DENND1B: variants seen among roughly 807,000 people sequenced by gnomAD.
DENND1B encodes DENN domain-containing protein 1B.
Under a neutral mutation model 90.1 loss-of-function variants are expected in DENND1B, and 59 were observed. The ratio of observed to expected loss-of-function variants is 0.65; its 90% CI spans 0.53 to 0.81. DENND1B has a LOEUF of 0.81. Ranked by LOEUF, DENND1B falls within the 40% of genes least tolerant of loss-of-function variation. The probability of loss-of-function intolerance (pLI) is 0.00; values close to 1 mark genes in which losing one functional copy is unlikely to be tolerated. For missense variants in DENND1B, 862 were observed against 912.6 expected, an observed-to-expected ratio of 0.94 and a Z score of 0.71; for synonymous variants, 337 against 324.6, an observed-to-expected ratio of 1.04 and a Z score of -0.41.
rs1053542630 is a variant in DENND1B, at chr1:197,565,913, A to G, written c.1150-12801T>C. 2.4e-4 allele frequency among the ~76,000 whole-genome samples: 36 copies of G among 149,530 alleles called. No individual in the cohort carries two copies. The Middle Eastern group carries it at 0.01, about 42-fold the overall frequency. ...ATTGTTGGACATTTGGGTTGGTTCCAAGTCTTTGCTATTGTGAATAGTGCC... is the reference window on the plus strand; with the variant it reads ...ATTGTTGGACATTTGGGTTGGTTCCGAGTCTTTGCTATTGTGAATAGTGCC... On this transcript the variant is annotated intron_variant, in intron 15 of 22. Transcript: ENST00000620048.
At chr1:197,554,538 G>T (rs184449735) in intron 15 of DENND1B, among the ~76,000 whole-genome samples, 3 of 152,026 alleles carry the variant, frequency 2.0e-5, no homozygotes, top group Non-Finnish European at 4.4e-5. Context: ...TTCCTCAGCA[G>T]CAATTTAAGA....
intron 2 of DENND1B, among the ~76,000 whole-genome samples, chr1:197,732,552 A>G (rs1662244350): frequency 6.6e-6 from 1 of 152,216 alleles, no homozygotes; most frequent in Non-Finnish European, 1.5e-5. Flanking sequence ...AAAAGACACC[A>G]TGGCAGACTG....
chr1:197,714,816 A>G (rs1350992686), intron 3 of DENND1B, among the ~76,000 whole-genome samples: 1 of 152,134 alleles, frequency 6.6e-6, no homozygotes, highest in Non-Finnish European at 1.5e-5. Flanking sequence ...ATGAGTTTCA[A>G]TATAAGGACT....
intron 2 of DENND1B, among the ~76,000 whole-genome samples, chr1:197,768,423 T>C (rs564101750): frequency 6.6e-6 from 1 of 152,210 alleles, no homozygotes; most frequent in Non-Finnish European, 1.5e-5. Flanking sequence ...TTCATTTCCC[T>C]GAAGTCTTAA....
At position 197,709,860 on chromosome 1, in the gene DENND1B, C is replaced by G. The variant is rs1052955885; in HGVS notation, c.126+5171G>C. ...TCTCACGTGCAGAGACACACATAGGCTCAAAATAAAAGGATGGCGGAAGAT... is the reference window on the plus strand; with the variant it reads ...TCTCACGTGCAGAGACACACATAGGGTCAAAATAAAAGGATGGCGGAAGAT... On this transcript the variant is annotated intron_variant, in intron 3 of 22. Transcript: ENST00000620048. Among the ~76,000 whole-genome samples, 8 of 140,896 alleles carry G rather than the reference C, an allele frequency of 5.7e-5. 1 individual carries two copies. Among genetic ancestry groups the G allele is most frequent in the African/African-American group, 2.3e-4 (8 of 35,102 alleles). 92.4% of individuals were successfully genotyped at this position (140,896 alleles called of 152,430 possible). A position where few individuals can be genotyped will look rare whatever the true frequency, so the allele number is the denominator to read the frequency against.
chr1:197,660,206 A>G (rs993857261), intron 5 of DENND1B, among the ~76,000 whole-genome samples: 5 of 151,960 alleles, frequency 3.3e-5, no homozygotes, highest in Admixed American at 6.6e-5. Context: ...ATAAAAAGAT[A>G]AACAACGCTT....
intron 15 of DENND1B, among the ~76,000 whole-genome samples, chr1:197,557,258 A>G (rs927489619): frequency 5.3e-5 from 8 of 152,120 alleles, no homozygotes; most frequent in African/African-American, 1.9e-4. Flanking sequence ...GCAAAATGAT[A>G]AAGTGAAAGT....
At chr1:197,525,121 G>T (rs536972058) in intron 20 of DENND1B, among the ~76,000 whole-genome samples, 1 of 152,072 alleles carries the variant, frequency 6.6e-6, no homozygotes, top group Non-Finnish European at 1.5e-5. Context: ...TTCACAGGAG[G>T]TCTCATTATT....
At chr1:197,590,762 A>C (rs1675127655) in intron 14 of DENND1B, among the ~76,000 whole-genome samples, 1 of 152,176 alleles carries the variant, frequency 6.6e-6, no homozygotes, top group South Asian at 2.1e-4. Context: ...CTGGTTCCCC[A>C]GTACTCCTGT....
intron 2 of DENND1B, among the ~76,000 whole-genome samples, chr1:197,766,367 C>A (rs2488394): frequency 0.8 from 121,892 of 152,196 alleles, 48,919 homozygotes; most frequent in Middle Eastern, 0.87. Flanking sequence ...ATCATGGTAA[C>A]CACATTTTAC....
chr1:197,651,744 C>T (rs1329484466), intron 7 of DENND1B, among the ~76,000 whole-genome samples: 1 of 148,912 alleles, frequency 6.7e-6, no homozygotes, highest in Admixed American at 6.7e-5. Flanking sequence ...CAAGCTCCGC[C>T]TCCCGGGTTC....
intron 2 of DENND1B, among the ~76,000 whole-genome samples, chr1:197,726,017 C>T (rs1335823957): frequency 6.6e-6 from 1 of 151,510 alleles, no homozygotes; most frequent in Non-Finnish European, 1.5e-5. Flanking sequence ...CACACACACA[C>T]ATATATATAC....
intron 3 of DENND1B, among the ~76,000 whole-genome samples, chr1:197,688,422 A>T (rs1014718087): frequency 2.0e-5 from 3 of 152,186 alleles, no homozygotes; most frequent in Admixed American, 1.3e-4. Flanking sequence ...TTCAAAGTAT[A>T]TTACAAAGCT....
At chr1:197,513,522 T>TG (rs11412586) in intron 20 of DENND1B, among the ~76,000 whole-genome samples, 144,206 of 151,316 alleles carry the variant, frequency 0.95, 69,082 homozygotes, top group South Asian at 1. Context: ...CTGCTGAATC[T>TG]GGGGGGTCAC....
chr1:197,775,255 G>T lies in DENND1B; in HGVS notation c.-100C>A, dbSNP rs1657170193. On this transcript the variant is annotated 5_prime_UTR_variant, in exon 1 of 23. Coordinates refer to ENST00000620048, the MANE Select transcript of DENND1B (RefSeq NM_001195215.2). The stretch of plus-strand genomic sequence containing the variant: ...GGGTCGCGCCGTCCCCGCCCACGCC[G>T]GCGGCCACACAGGGAAAGAGGCTGC... 1 of 1,009,846 alleles carries T rather than the reference G, an allele frequency of 9.9e-7. No homozygotes were observed. Among genetic ancestry groups the T allele is most frequent in the African/African-American group, 1.7e-5 (1 of 59,316 alleles). 62.6% of individuals were successfully genotyped at this position (1,009,846 alleles called of 1,614,324 possible).
At chr1:197,617,292 C>T (rs1558310653) in intron 11 of DENND1B, among the ~76,000 whole-genome samples, 1 of 151,064 alleles carries the variant, frequency 6.6e-6, no homozygotes, top group Non-Finnish European at 1.5e-5. Context: ...AATGTGGTTG[C>T]TGGCAGATTT....
chr1:197,724,796 TTAAAAATA>T (rs2102288931), intron 2 of DENND1B, among the ~76,000 whole-genome samples: 1 of 152,072 alleles, frequency 6.6e-6, no homozygotes, highest in East Asian at 1.9e-4. Flanking sequence ...ACTAGAACTT[TTAAAAATA>T]TAAAAATATA....
intron 20 of DENND1B, among the ~76,000 whole-genome samples, chr1:197,527,789 T>G (rs762883372): frequency 3.9e-5 from 6 of 152,160 alleles, no homozygotes; most frequent in Non-Finnish European, 8.8e-5. Flanking sequence ...TCTCACCCCA[T>G]GTAACAACTA....
intron 10 of DENND1B, among the ~76,000 whole-genome samples, chr1:197,623,591 T>C (rs1678371664): frequency 6.6e-6 from 1 of 151,492 alleles, no homozygotes. Context: ...AGAATTTATT[T>C]CTTAGAATAC....
Sources: gnomAD v4.1 joint callset for allele counts (sites outside exome capture counted in the v4.1 genomes callset) on GRCh38, gnomAD v4.1.1 for gene constraint, MANE v1.5 for transcripts, NCBI Gene and HGNC (gene_info 2026-07-23, HGNC 2026-07-21) for gene names.